The following ZNF385D variants were observed in gnomAD, a reference collection of about 807,000 sequenced individuals.
ZNF385D encodes the protein zinc finger protein 385D.
In ZNF385D, 15 loss-of-function variants were observed where a neutral mutation model predicts 35.8. The observed-to-expected ratio is 0.42, with a 90% CI of 0.28 to 0.64. The LOEUF is 0.64. ZNF385D is among the 30% of genes least tolerant of loss of function. The probability of loss-of-function intolerance (pLI) is 0.23; values close to 1 mark genes in which losing one functional copy is unlikely to be tolerated. For synonymous variants in ZNF385D, 212 were observed against 186.8 expected, an observed-to-expected ratio of 1.13 and a Z score of -1.10; for missense variants, 474 against 494.6, an observed-to-expected ratio of 0.96 and a Z score of 0.39.
chr3:21,910,892 TTA>T (rs1699929350), intron 3 of ZNF385D, among the ~76,000 whole-genome samples: 1 of 151,914 alleles, frequency 6.6e-6, no homozygotes, highest in African/African-American at 2.4e-5. Flanking sequence ...TTGAATTTTA[TTA>T]TGTTTGATAA....
At chr3:22,143,947 A>T (rs1449316135) in intron 3 of ZNF385D, among the ~76,000 whole-genome samples, 4 of 152,202 alleles carry the variant, frequency 2.6e-5, no homozygotes, top group African/African-American at 9.6e-5. Context: ...TTAAAGGCTT[A>T]AAAATGTATA....
chr3:21,715,156 G>A lies in ZNF385D; in HGVS notation c.22+35739C>T, dbSNP rs549995312. ...CAAGCGCAATTTTGTTACATGCATC[G>A]TGGTCAATTCAAGACTTTCAGGGTA... On this transcript the variant is annotated intron_variant, in intron 1 of 7. Transcript: ENST00000281523. 3.3e-5 allele frequency among the ~76,000 whole-genome samples: 5 copies of A among 152,064 alleles called. No individual in the cohort carries two copies. The South Asian group carries it at 6.2e-4, about 19-fold the overall frequency.
chr3:22,199,024 T>C (rs780673006), intron 2 of ZNF385D, among the ~76,000 whole-genome samples: 31 of 152,140 alleles, frequency 2.0e-4, no homozygotes, highest in Non-Finnish European at 3.5e-4. Flanking sequence ...ATTATTGATC[T>C]TTACAAGTAT....
intron 2 of ZNF385D, among the ~76,000 whole-genome samples, chr3:21,663,021 C>A (rs990841924): frequency 1.3e-4 from 20 of 151,994 alleles, no homozygotes; most frequent in African/African-American, 4.6e-4. Flanking sequence ...GTTTTGTGAC[C>A]CTTCCAAGGT....
intron 4 of ZNF385D, among the ~76,000 whole-genome samples, chr3:21,482,580 G>A (rs1704709779): frequency 6.6e-6 from 1 of 152,138 alleles, no homozygotes; most frequent in African/African-American, 2.4e-5. Flanking sequence ...CTTAGGCAAA[G>A]CTGAACTTTT....
At chr3:22,168,780 G>C (rs1576436558) in intron 3 of ZNF385D, 1 of 971,260 alleles carries the variant, frequency 1.0e-6, no homozygotes, top group African/African-American at 1.8e-5. Context: ...TTAAATTGAT[G>C]ATGTAAAATT....
intron 2 of ZNF385D, among the ~76,000 whole-genome samples, chr3:22,239,195 T>C (rs1294686090): frequency 6.6e-6 from 1 of 151,238 alleles, no homozygotes; most frequent in African/African-American, 2.4e-5. Flanking sequence ...AAAACTATGA[T>C]TCATTGCCAA....
intron 3 of ZNF385D, among the ~76,000 whole-genome samples, chr3:22,056,247 A>AC (rs1699391001): frequency 7.0e-5 from 1 of 14,274 alleles, no homozygotes; most frequent in Non-Finnish European, 1.3e-4. Context: ...CACAATGTGC[A>AC]CATGTACCCT....
chr3:21,834,738 C>T (rs566035937), intron 3 of ZNF385D, among the ~76,000 whole-genome samples: 79 of 150,162 alleles, frequency 5.3e-4, no homozygotes, highest in African/African-American at 1.8e-3. Context: ...GTAATCCCCA[C>T]GTGTCGACAG....
At chr3:21,923,392 G>A (rs1225427882) in intron 3 of ZNF385D, among the ~76,000 whole-genome samples, 1 of 152,106 alleles carries the variant, frequency 6.6e-6, no homozygotes, top group Non-Finnish European at 1.5e-5. Context: ...AAAAGTGAAT[G>A]TTTATACACT....
chr3:22,235,903 A>G (rs1251143963), intron 2 of ZNF385D, among the ~76,000 whole-genome samples: 2 of 152,124 alleles, frequency 1.3e-5, no homozygotes, highest in African/African-American at 4.8e-5. Flanking sequence ...TAAAAAGTAA[A>G]TATTTATTTT....
rs1228574145 is a variant in ZNF385D, at chr3:21,424,301, T to TTA, written c.853-239_853-238dup. Among the ~76,000 whole-genome samples the TTA allele has an allele frequency of 1.1e-3, 90 of 80,118 alleles. 1 individual carries two copies. Among genetic ancestry groups the TTA allele is most frequent in the Middle Eastern group, 9.1e-3 (1 of 110 alleles). The allele number at this position is 80,118 out of a possible 152,430, so 52.6% of individuals were successfully genotyped here. A position where few individuals can be genotyped will look rare whatever the true frequency, so the allele number is the denominator to read the frequency against. ...TATATATATACTTATATATATATATTTATATATATATATATATTTTTTTTT... is the reference window on the plus strand; with the variant it reads ...TATATATATACTTATATATATATATTTATATATATATATATATATTTTTTTTT... On this transcript the variant is annotated intron_variant, in intron 6 of 7. Transcript: ENST00000281523.
intron 3 of ZNF385D, among the ~76,000 whole-genome samples, chr3:21,980,102 T>C (rs555244171): frequency 1.3e-5 from 2 of 152,264 alleles, no homozygotes; most frequent in South Asian, 2.1e-4. Flanking sequence ...GCTAGCTATA[T>C]TGTGGGGTTA....
intron 3 of ZNF385D, among the ~76,000 whole-genome samples, chr3:22,104,526 A>G (rs534836686): frequency 6.6e-6 from 1 of 151,858 alleles, no homozygotes; most frequent in South Asian, 2.1e-4. Context: ...CAACCACATG[A>G]TTTTGGCAGA....
At chr3:22,275,960 C>T (rs1441011409) in intron 2 of ZNF385D, among the ~76,000 whole-genome samples, 2 of 152,056 alleles carry the variant, frequency 1.3e-5, no homozygotes, top group African/African-American at 4.8e-5. Flanking sequence ...TGGCGTGTGC[C>T]TGTAATCCCA....
chr3:22,189,578 G>A (rs1026544599), intron 2 of ZNF385D, among the ~76,000 whole-genome samples: 2 of 152,104 alleles, frequency 1.3e-5, no homozygotes, highest in African/African-American at 4.8e-5. Context: ...CAATATTATT[G>A]AGCAAATTTG....
chr3:21,602,658 G>C (rs1307928310), intron 2 of ZNF385D, among the ~76,000 whole-genome samples: 4 of 148,932 alleles, frequency 2.7e-5, no homozygotes, highest in Admixed American at 6.7e-5. Context: ...TCAGCCTCCC[G>C]AGTAGCTGGG....
At chr3:21,960,901 T>A (rs1702550466) in intron 3 of ZNF385D, among the ~76,000 whole-genome samples, 1 of 152,032 alleles carries the variant, frequency 6.6e-6, no homozygotes, top group Non-Finnish European at 1.5e-5. Flanking sequence ...CAGAGTAGAA[T>A]CGTGGGTATT....
intron 3 of ZNF385D, among the ~76,000 whole-genome samples, chr3:21,964,347 G>A (rs111743848): frequency 0.083 from 11,180 of 135,296 alleles, 563 homozygotes; most frequent in Middle Eastern, 0.18. Context: ...AAATCCCTGA[G>A]CTCTTCCATA....
Sources: allele counts gnomAD v4.1 joint callset (sites outside exome capture counted in the v4.1 genomes callset), GRCh38; gene constraint gnomAD v4.1.1; transcripts MANE v1.5; gene names NCBI Gene and HGNC (gene_info 2026-07-23, HGNC 2026-07-21).